The following TMC1 variants were observed in gnomAD, a reference collection of about 807,000 sequenced individuals.
TMC1 encodes transmembrane channel like 1.
A neutral mutation model predicts 105.8 loss-of-function variants in TMC1; 84 were observed. The ratio of observed to expected loss-of-function variants is 0.79; its 90% CI spans 0.67 to 0.95. The LOEUF (loss-of-function observed/expected upper bound fraction) is 0.95, where lower values mean the gene tolerates loss of function less well. Ranked by LOEUF, TMC1 falls within the 40% of genes least tolerant of loss-of-function variation. TMC1 has a pLI of 0.00. For synonymous variants in TMC1, 315 were observed against 311.5 expected (o/e 1.01, Z -0.12); for missense variants, 817 against 914.1 (o/e 0.89, Z 1.37).
At chr9:72,544,640 C>T (rs931166271) in intron 1 of TMC1, among the ~76,000 whole-genome samples, 5 of 151,620 alleles carry the variant, frequency 3.3e-5, no homozygotes, top group East Asian at 3.9e-4. Context: ...CCACCACACC[C>T]GGCTAATTTT....
At chr9:72,704,899 A>G (rs1313073690) in intron 8 of TMC1, among the ~76,000 whole-genome samples, 1 of 152,202 alleles carries the variant, frequency 6.6e-6, no homozygotes, top group Non-Finnish European at 1.5e-5. Flanking sequence ...ACTAAACAGA[A>G]TACTCAGCTC....
intron 17 of TMC1, among the ~76,000 whole-genome samples, chr9:72,798,747 C>G (rs1476421823): frequency 6.6e-6 from 1 of 151,870 alleles, no homozygotes; most frequent in Non-Finnish European, 1.5e-5. Context: ...GGGTTTAATA[C>G]CTGGGTGATA....
intron 2 of TMC1, among the ~76,000 whole-genome samples, chr9:72,586,471 T>C (rs1168712070): frequency 6.6e-6 from 1 of 152,202 alleles, no homozygotes; most frequent in Non-Finnish European, 1.5e-5. Flanking sequence ...ACAATCTAGG[T>C]CAGAGAAGCT....
intron 8 of TMC1, among the ~76,000 whole-genome samples, chr9:72,710,274 A>G (rs550081853): frequency 6.6e-6 from 1 of 152,124 alleles, no homozygotes; most frequent in South Asian, 2.1e-4. Context: ...CATATGGTTT[A>G]TCTTGGAGAA....
chr9:72,763,626 AT>A (rs1827788692), intron 12 of TMC1, among the ~76,000 whole-genome samples: 1 of 152,190 alleles, frequency 6.6e-6, no homozygotes, highest in South Asian at 2.1e-4. Context: ...AAGAACATCA[AT>A]TACAGAGAAC....
At chr9:72,725,367 A>G (rs1827102538) in intron 8 of TMC1, among the ~76,000 whole-genome samples, 4 of 79,212 alleles carry the variant, frequency 5.0e-5, no homozygotes, top group African/African-American at 1.1e-4. Context: ...ATATATATAT[A>G]TGTATATACA....
chr9:72,828,555 G>A (rs1828995181), intron 21 of TMC1, among the ~76,000 whole-genome samples: 1 of 152,190 alleles, frequency 6.6e-6, no homozygotes, highest in Non-Finnish European at 1.5e-5. Context: ...TTAGTAATCA[G>A]TCCTAAGAGG....
chr9:72,729,193 A>T (rs1216409238), intron 8 of TMC1, among the ~76,000 whole-genome samples: 1 of 152,170 alleles, frequency 6.6e-6, no homozygotes, highest in East Asian at 1.9e-4. Flanking sequence ...GAGTATCATC[A>T]GAACTAGAGA....
In TMC1 at chr9:72,556,590, G is replaced by A. The variant is rs368298392; in HGVS notation, c.-427-21312G>A. The stretch of plus-strand genomic sequence containing the variant: ...TCCCAGCACTTTGGGAGGCCGAGAC[G>A]GGTGGATCACTTGAGATCAGGAGTT... On this transcript the variant is annotated intron_variant, in intron 1 of 23. Coordinates refer to ENST00000297784, the MANE Select transcript of TMC1 (RefSeq NM_138691.3). 4.0e-5 allele frequency among the ~76,000 whole-genome samples: 6 copies of A among 151,514 alleles called. No individual in the cohort carries two copies. The East Asian group carries it at 1.0e-3, about 25-fold the overall frequency.
At chr9:72,793,914 G>GA (rs1828319695) in intron 17 of TMC1, among the ~76,000 whole-genome samples, 1 of 152,134 alleles carries the variant, frequency 6.6e-6, no homozygotes, top group Admixed American at 6.5e-5. Flanking sequence ...AGGATCCCCA[G>GA]GGGCAACTGA....
intron 12 of TMC1, among the ~76,000 whole-genome samples, chr9:72,759,684 G>A (rs1350346670): frequency 6.6e-6 from 1 of 152,118 alleles, no homozygotes; most frequent in Non-Finnish European, 1.5e-5. Flanking sequence ...GATGGCTACA[G>A]GTTTATACTG....
intron 12 of TMC1, among the ~76,000 whole-genome samples, chr9:72,764,297 C>T (rs1827798323): frequency 6.6e-6 from 1 of 152,274 alleles, no homozygotes; most frequent in South Asian, 2.1e-4. Context: ...TGTATGAATT[C>T]ACAAAGCTTC....
chr9:72,756,982 A>G (rs942296860), intron 12 of TMC1, among the ~76,000 whole-genome samples: 1 of 152,176 alleles, frequency 6.6e-6, no homozygotes, highest in Non-Finnish European at 1.5e-5. Flanking sequence ...TGCCCTTGAC[A>G]GCTCTCTCAC....
intron 4 of TMC1, among the ~76,000 whole-genome samples, chr9:72,631,338 T>G (rs763651230): frequency 2.6e-5 from 4 of 152,236 alleles, no homozygotes; most frequent in Non-Finnish European, 4.4e-5. Flanking sequence ...CTCGTTTTAT[T>G]TTGTTTTCTG....
rs727503484 is a variant in TMC1 at position 72,792,069 on chromosome 9, A to G, written c.1404+4A>G. 17 of 1,613,972 alleles carry G rather than the reference A, an allele frequency of 1.1e-5. No individual in the cohort carries two copies. Among genetic ancestry groups the G allele is most frequent in the Non-Finnish European group, 1.4e-5 (17 of 1,179,876 alleles). On this transcript the variant is annotated splice_donor_region_variant and intron_variant, in intron 16 of 23. Coordinates refer to ENST00000297784, the MANE Select transcript of TMC1 (RefSeq NM_138691.3). ...AATGGATGAGATTAACAACAAGGTA[A>G]GCCTTGTTTCTGGATTGTCCTTGCC... is the stretch of plus-strand genomic sequence containing the variant.
intron 4 of TMC1, among the ~76,000 whole-genome samples, chr9:72,640,016 A>T (rs1825599173): frequency 6.6e-6 from 1 of 152,256 alleles, no homozygotes; most frequent in Admixed American, 6.5e-5. Flanking sequence ...TGTAGTATTA[A>T]TAAAACATAT....
intron 8 of TMC1, among the ~76,000 whole-genome samples, chr9:72,725,439 G>C (rs987263542): frequency 6.8e-6 from 1 of 147,468 alleles, no homozygotes; most frequent in Non-Finnish European, 1.5e-5. Flanking sequence ...TGATCACAAG[G>C]TTCCACAACG....
intron 1 of TMC1, among the ~76,000 whole-genome samples, chr9:72,548,978 AACGCC>A (rs1823815893): frequency 1.3e-5 from 2 of 152,224 alleles, no homozygotes; most frequent in South Asian, 4.1e-4. Context: ...CTATATTTCT[AACGCC>A]TTGCACAGTA....
At chr9:72,532,151 GAACTCCTAACCTCA>G (rs1405973533) in intron 1 of TMC1, among the ~76,000 whole-genome samples, 1 of 151,880 alleles carries the variant, frequency 6.6e-6, no homozygotes, top group East Asian at 2.0e-4. Flanking sequence ...GGCTGATCTT[GAACTCCTAACCTCA>G]GGTTATCTGC....
Sources: allele counts gnomAD v4.1 joint callset (sites outside exome capture counted in the v4.1 genomes callset), GRCh38; gene constraint gnomAD v4.1.1; transcripts MANE v1.5; gene names NCBI Gene and HGNC (gene_info 2026-07-23, HGNC 2026-07-21).